The following DNMBP variants were observed in gnomAD, a reference collection of about 807,000 sequenced individuals.
The protein encoded by DNMBP is dynamin binding protein.
A neutral mutation model predicts 150.0 loss-of-function variants in DNMBP; 87 were observed. The observed-to-expected ratio is 0.58, with a 90% CI of 0.49 to 0.69. The LOEUF (loss-of-function observed/expected upper bound fraction) is 0.69, where lower values mean the gene tolerates loss of function less well. Among genes scored for constraint, DNMBP ranks in the 30% least tolerant of loss-of-function variants. The probability of loss-of-function intolerance (pLI) is 0.00; values close to 1 mark genes in which losing one functional copy is unlikely to be tolerated. For synonymous variants in DNMBP, 711 were observed against 750.4 expected, an observed-to-expected ratio of 0.95 and a Z score of 0.86; for missense variants, 1,774 against 1,949.0, an observed-to-expected ratio of 0.91 and a Z score of 1.69.
In DNMBP at chr10:99,875,635, G is replaced by A. The variant is rs1338338316; in HGVS notation, c.*1516C>T. 1 of 152,166 alleles carries A rather than the reference G, an allele frequency of 6.6e-6. No homozygotes were observed. The highest frequency in any genetic ancestry group is 1.5e-5 in the Non-Finnish European group (1 of 68,028). The allele number at this position is 152,166 out of a possible 1,614,324, so 9.4% of individuals were successfully genotyped here. A position where few individuals can be genotyped will look rare whatever the true frequency, so the allele number is the denominator to read the frequency against. The stretch of plus-strand genomic sequence containing the variant: ...ACTTAAATATAAACATCTCTACATA[G>A]AAACACTCTTCACAAAAGGACTCTT... On this transcript the variant is annotated 3_prime_UTR_variant, in exon 17 of 17. Coordinates refer to ENST00000324109, the MANE Select transcript of DNMBP (RefSeq NM_015221.4).
At chr10:100,005,624 G>A (rs1361793604) in intron 1 of DNMBP, among the ~76,000 whole-genome samples, 5 of 151,784 alleles carry the variant, frequency 3.3e-5, no homozygotes, top group Non-Finnish European at 5.9e-5. Flanking sequence ...GCGTGGTGGC[G>A]CATGACTGTA....
intron 4 of DNMBP, among the ~76,000 whole-genome samples, chr10:99,926,027 T>A (rs895170725): frequency 2.6e-5 from 4 of 152,222 alleles, no homozygotes; most frequent in Non-Finnish European, 4.4e-5. Context: ...TAGTTTTGTT[T>A]AGAGCCCTCT....
intron 1 of DNMBP, among the ~76,000 whole-genome samples, chr10:99,980,958 T>C (rs1360595685): frequency 6.6e-6 from 1 of 152,088 alleles, no homozygotes; most frequent in African/African-American, 2.4e-5. Context: ...AGGGAGTTAG[T>C]ATGTAATGGG....
At chr10:100,003,757 A>C (rs2041040324) in intron 1 of DNMBP, among the ~76,000 whole-genome samples, 1 of 152,138 alleles carries the variant, frequency 6.6e-6, no homozygotes, top group African/African-American at 2.4e-5. Context: ...GGCTGCAGTG[A>C]GCTATCATCG....
chr10:99,954,416 C>T (rs935931369), intron 4 of DNMBP, among the ~76,000 whole-genome samples: 8 of 151,952 alleles, frequency 5.3e-5, no homozygotes, highest in African/African-American at 1.9e-4. Context: ...GAGTCAGAGG[C>T]TCAAGACAGC....
intron 5 of DNMBP, 99 bp from the exon 6 acceptor site, chr10:99,908,193 T>C: frequency 2.4e-6 from 2 of 832,470 alleles, no homozygotes; most frequent in Non-Finnish European, 3.9e-6. Flanking sequence ...GAAAAATTGC[T>C]CAAGGTCACT....
chr10:99,880,608 G>A (rs1347795460), intron 15 of DNMBP, among the ~76,000 whole-genome samples: 1 of 152,180 alleles, frequency 6.6e-6, no homozygotes, highest in Non-Finnish European at 1.5e-5. Context: ...GCTGCCTGCC[G>A]GTTCATTCAT....
At chr10:99,883,040 C>T (rs545969787) in intron 15 of DNMBP, among the ~76,000 whole-genome samples, 1 of 152,264 alleles carries the variant, frequency 6.6e-6, no homozygotes, top group African/African-American at 2.4e-5. Flanking sequence ...GAGCTAGACC[C>T]TGTCTTAAAA....
intron 1 of DNMBP, among the ~76,000 whole-genome samples, chr10:99,981,225 A>C (rs2040777337): frequency 6.6e-6 from 1 of 152,204 alleles, no homozygotes; most frequent in Non-Finnish European, 1.5e-5. Flanking sequence ...TCTGTTGCCC[A>C]GACTGGAGTG....
intron 4 of DNMBP, among the ~76,000 whole-genome samples, chr10:99,940,715 G>T (rs1440276472): frequency 6.6e-6 from 1 of 152,074 alleles, no homozygotes; most frequent in Non-Finnish European, 1.5e-5. Context: ...CACACTAAAT[G>T]CTCAATGCCT....
At chr10:99,973,859 T>C (rs2040702497) in intron 1 of DNMBP, among the ~76,000 whole-genome samples, 1 of 151,992 alleles carries the variant, frequency 6.6e-6, no homozygotes, top group Non-Finnish European at 1.5e-5. Context: ...CGGGTGCCTG[T>C]AATCCCAGCT....
chr10:99,960,417 A>C (rs963235252), intron 3 of DNMBP, among the ~76,000 whole-genome samples: 27 of 152,156 alleles, frequency 1.8e-4, no homozygotes, highest in African/African-American at 6.5e-4. Flanking sequence ...TGGGTAGCAA[A>C]GCACCTGGCA....
At chr10:99,898,509 A>G in intron 8 of DNMBP, 1 of 663,370 alleles carries the variant, frequency 1.5e-6, no homozygotes, top group Non-Finnish European at 2.6e-6. Context: ...GTACTGTTCT[A>G]GGTGCTGGGG....
At chr10:99,930,279 C>T (rs1229885169) in intron 4 of DNMBP, 1 of 702,890 alleles carries the variant, frequency 1.4e-6, no homozygotes, top group South Asian at 1.5e-5. Flanking sequence ...ATCCAAACCC[C>T]TACAGTCAGT....
At chr10:99,904,015 G>A (rs2039785533) in intron 6 of DNMBP, among the ~76,000 whole-genome samples, 2 of 151,944 alleles carry the variant, frequency 1.3e-5, no homozygotes, top group African/African-American at 4.8e-5. Flanking sequence ...CCTTGCCTCG[G>A]CCTCCCAAAG....
chr10:99,878,379 C>G (rs1057486597), intron 16 of DNMBP, among the ~76,000 whole-genome samples: 4 of 152,196 alleles, frequency 2.6e-5, no homozygotes, highest in African/African-American at 7.2e-5. Flanking sequence ...TGGTCAGGGA[C>G]TGGAGCTGAG....
At position 99,896,829 on chromosome 10, in the gene DNMBP, C is replaced by T. The variant is rs74673217; in HGVS notation, c.2921-432G>A. On this transcript the variant is annotated intron_variant, in intron 9 of 16. Transcript: ENST00000324109. ...TCGTCTCCCATAGTAAAATGCTATA[C>T]AGCAGTAATTTAATTACCATGTTAA... Among the ~76,000 whole-genome samples the T allele has an allele frequency of 5.8e-4, 89 of 152,268 alleles. No homozygotes were observed. In the East Asian group the frequency reaches 6.8e-3, roughly 12 times the overall value.
intron 6 of DNMBP, among the ~76,000 whole-genome samples, chr10:99,901,527 C>T (rs1447768766): frequency 1.3e-5 from 2 of 151,846 alleles, no homozygotes; most frequent in Non-Finnish European, 2.9e-5. Flanking sequence ...TTTCCCTATC[C>T]CCAGACCCCT....
chr10:99,962,580 G>A (rs575574430), intron 3 of DNMBP, among the ~76,000 whole-genome samples: 55 of 152,168 alleles, frequency 3.6e-4, no homozygotes, highest in Middle Eastern at 6.8e-3. Context: ...GCAGTGAGCC[G>A]AGATTGTGCC....
Sources: gnomAD v4.1 joint callset for allele counts (sites outside exome capture counted in the v4.1 genomes callset) on GRCh38, gnomAD v4.1.1 for gene constraint, MANE v1.5 for transcripts, NCBI Gene and HGNC (gene_info 2026-07-23, HGNC 2026-07-21) for gene names.